The following NEO1 variants were observed in gnomAD, a reference collection of about 807,000 sequenced individuals.
NEO1 encodes the protein neogenin.
A neutral mutation model predicts 159.7 loss-of-function variants in NEO1; 63 were observed. The observed-to-expected ratio is 0.39, with a 90% CI of 0.32 to 0.49. The LOEUF is 0.49. Among genes scored for constraint, NEO1 ranks in the 20% least tolerant of loss-of-function variants. The pLI is 0.85. For synonymous variants in NEO1, 633 were observed against 662.0 expected (o/e 0.96, Z 0.67); for missense variants, 1,615 against 1,831.0 (o/e 0.88, Z 2.15).
rs182614986 is a variant in NEO1 at position 73,095,974 on chromosome 15, C to T, written c.131-20566C>T. 1.2e-4 allele frequency among the ~76,000 whole-genome samples: 18 copies of T among 152,198 alleles called. No individual in the cohort carries two copies. In the South Asian group the frequency reaches 2.7e-3, roughly 23 times the overall value. ...CTGCTAAAATTGAAGCAAGAACAAA[C>T]GTCAAATTTATGGTGAAGCTTGGGT... On this transcript the variant is annotated intron_variant, in intron 1 of 28. Transcript: ENST00000261908.
chr15:73,252,989 TCAAAACAAAACAAAA>T (rs138386901), intron 11 of NEO1, among the ~76,000 whole-genome samples: 5 of 151,076 alleles, frequency 3.3e-5, no homozygotes, highest in African/African-American at 1.2e-4. Flanking sequence ...AAACTTAGTC[TCAAAACAAAACAAAA>T]CAAAACAAAA....
chr15:73,058,811 C>T (rs1380148124), intron 1 of NEO1, among the ~76,000 whole-genome samples: 3 of 152,178 alleles, frequency 2.0e-5, no homozygotes, highest in Non-Finnish European at 4.4e-5. Context: ...CCAGGTTTCT[C>T]TTACTCTGAA....
chr15:73,232,484 AT>A (rs1391064610), intron 7 of NEO1, among the ~76,000 whole-genome samples: 3 of 152,066 alleles, frequency 2.0e-5, no homozygotes, highest in African/African-American at 7.2e-5. Context: ...AATCTGGATT[AT>A]TTTTTAGTTT....
chr15:73,104,580 T>C (rs2070578429), intron 1 of NEO1, among the ~76,000 whole-genome samples: 1 of 152,230 alleles, frequency 6.6e-6, no homozygotes, highest in Admixed American at 6.5e-5. Context: ...AGAAAAAGTT[T>C]GTCATCAAAT....
chr15:73,071,499 A>G (rs1307454409), intron 1 of NEO1, among the ~76,000 whole-genome samples: 4 of 151,974 alleles, frequency 2.6e-5, no homozygotes, highest in Non-Finnish European at 5.9e-5. Context: ...GGTAGTTGCT[A>G]TTTATTCACT....
intron 5 of NEO1, among the ~76,000 whole-genome samples, chr15:73,158,417 G>A (rs1433348621): frequency 6.6e-6 from 1 of 151,408 alleles, no homozygotes; most frequent in African/African-American, 2.4e-5. Context: ...CCATTTTTTT[G>A]AGACAGGATC....
chr15:73,139,532 A>G (rs1318493310), intron 5 of NEO1, among the ~76,000 whole-genome samples: 2 of 152,232 alleles, frequency 1.3e-5, no homozygotes, highest in Non-Finnish European at 2.9e-5. Flanking sequence ...TTTGTAATGC[A>G]TAACAATATT....
chr15:73,201,090 A>T (rs1218957579), intron 7 of NEO1, among the ~76,000 whole-genome samples: 1 of 152,050 alleles, frequency 6.6e-6, no homozygotes, highest in East Asian at 1.9e-4. Context: ...GCCTGGCTAC[A>T]GGTTTAACAG....
chr15:73,269,590 C>G (rs1026157441), intron 16 of NEO1, among the ~76,000 whole-genome samples: 3 of 152,160 alleles, frequency 2.0e-5, no homozygotes, highest in African/African-American at 7.2e-5. Context: ...GAACTCCTGA[C>G]CTCAGGTGAT....
intron 9 of NEO1, among the ~76,000 whole-genome samples, chr15:73,246,321 C>T (rs1180403496): frequency 1.3e-5 from 2 of 152,134 alleles, no homozygotes. Context: ...AACAAGAGGG[C>T]CATCACAGAG....
chr15:73,110,991 A>G (rs1308350229), intron 1 of NEO1, among the ~76,000 whole-genome samples: 1 of 152,298 alleles, frequency 6.6e-6, no homozygotes, highest in South Asian at 2.1e-4. Flanking sequence ...TGTTACTGAA[A>G]AAAAAGATAA....
intron 7 of NEO1, among the ~76,000 whole-genome samples, chr15:73,185,448 G>A (rs1192123082): frequency 6.6e-6 from 1 of 152,134 alleles, no homozygotes; most frequent in Non-Finnish European, 1.5e-5. Flanking sequence ...CACTTATTAG[G>A]ATAGTTAAAA....
intron 14 of NEO1, among the ~76,000 whole-genome samples, chr15:73,259,422 C>T (rs2040518403): frequency 7.1e-6 from 1 of 140,856 alleles, no homozygotes; most frequent in Non-Finnish European, 1.5e-5. Flanking sequence ...GTCTGGAGTG[C>T]AGTCATGGTT....
chr15:73,121,541 T>C (rs1460299374), intron 2 of NEO1, among the ~76,000 whole-genome samples: 1 of 152,214 alleles, frequency 6.6e-6, no homozygotes, highest in Non-Finnish European at 1.5e-5. Flanking sequence ...ATGAGTATTT[T>C]GGGAAGAGAT....
chr15:73,292,834 G>A (rs778405265), intron 25 of NEO1, among the ~76,000 whole-genome samples: 5 of 152,138 alleles, frequency 3.3e-5, no homozygotes, highest in South Asian at 2.1e-4. Flanking sequence ...CATGAAAGCC[G>A]ATTAAACAGC....
intron 5 of NEO1, among the ~76,000 whole-genome samples, chr15:73,156,441 G>A (rs2033782278): frequency 6.6e-6 from 1 of 151,906 alleles, no homozygotes; most frequent in Admixed American, 6.5e-5. Context: ...TGGCCACTGG[G>A]TGGCTCTCTC....
chr15:73,109,315 C>G (rs2070848231), intron 1 of NEO1, among the ~76,000 whole-genome samples: 1 of 152,144 alleles, frequency 6.6e-6, no homozygotes, highest in African/African-American at 2.4e-5. Context: ...CTCTCATCTT[C>G]ACAGAAATTT....
chr15:73,288,309 C>T lies in NEO1; in HGVS notation c.3411-4C>T. ...TTAAAAGCTCCTCTGAACTTCGTGC[C>T]TAGGAAACGAGCTGCCTGCAAATCA... On this transcript the variant is annotated splice_region_variant and splice_polypyrimidine_tract_variant and intron_variant, in intron 23 of 28. Transcript: ENST00000261908. The T allele has an allele frequency of 6.2e-7, 1 of 1,610,208 alleles. No individual in the cohort carries two copies. Among genetic ancestry groups the T allele is most frequent in the East Asian group, 2.2e-5 (1 of 44,774 alleles).
intron 1 of NEO1, among the ~76,000 whole-genome samples, chr15:73,094,644 C>T (rs2069898122): frequency 6.6e-6 from 1 of 152,212 alleles, no homozygotes; most frequent in Non-Finnish European, 1.5e-5. Flanking sequence ...ATCCCCTCTT[C>T]ACCTCCCTGT....
Sources: allele counts gnomAD v4.1 joint callset (sites outside exome capture counted in the v4.1 genomes callset), GRCh38; gene constraint gnomAD v4.1.1; transcripts MANE v1.5; gene names NCBI Gene and HGNC (gene_info 2026-07-23, HGNC 2026-07-21).